Variants in CCS observed in about 807,000 individuals in gnomAD.
The protein encoded by CCS is copper chaperone for superoxide dismutase, also known as superoxide dismutase copper chaperone.
In CCS, 32 loss-of-function variants were observed where a neutral mutation model predicts 35.5. That is an observed-to-expected ratio of 0.90 (90% CI 0.68 to 1.21). The LOEUF (loss-of-function observed/expected upper bound fraction) is 1.21. CCS is among the 50% of genes most tolerant of loss of function. CCS has a pLI of 0.00. For synonymous variants in CCS, 130 were observed against 147.2 expected (o/e 0.88, Z 0.84); for missense variants, 342 against 375.4 (o/e 0.91, Z 0.73).
Position 66,606,005 on chromosome 11 carries a change from T to G in CCS, c.*150T>G. On this transcript the variant is annotated 3_prime_UTR_variant, in exon 8 of 8. Coordinates refer to ENST00000533244, the MANE Select transcript of CCS (RefSeq NM_005125.2). ...GTGTTCCCTTGGCAAATGAAAGTTT[T>G]ATTTTCGTTTGGGACTTGGTGTTTT... The G allele has an allele frequency of 1.2e-6, 1 of 811,136 alleles. No individual in the cohort carries two copies. The highest frequency in any genetic ancestry group is 3.3e-5 in the South Asian group (1 of 30,592). 50.2% of individuals were successfully genotyped at this position (811,136 alleles called of 1,614,324 possible).
intron 5 of CCS, 194 bp from the exon 6 acceptor site, chr11:66,605,145 C>T (rs763758913): frequency 7.2e-6 from 11 of 1,530,740 alleles, no homozygotes; most frequent in Non-Finnish European, 8.7e-6. Flanking sequence ...GACCACTTTC[C>T]ACTTCCAGAC....
Position 66,599,748 on chromosome 11 carries a change from A to G in CCS, c.428+112A>G, listed in dbSNP as rs1026842369. The G allele has an allele frequency of 1.5e-5, 15 of 1,023,648 alleles. No homozygotes were observed. In the African/African-American group the frequency reaches 2.5e-4, roughly 17 times the overall value. 63.4% of individuals were successfully genotyped at this position (1,023,648 alleles called of 1,614,324 possible). On this transcript the variant is annotated intron_variant, in intron 4 of 7. Transcript: ENST00000533244. ...CACAGGCACAACCTCCAGATGAGGAAACTGAGGCTCACAGAGGTTAAATGA... is the reference window on the plus strand; with the variant it reads ...CACAGGCACAACCTCCAGATGAGGAGACTGAGGCTCACAGAGGTTAAATGA...
intron 5 of CCS, among the ~76,000 whole-genome samples, chr11:66,601,657 C>T (rs961452120): frequency 6.6e-6 from 1 of 151,224 alleles, no homozygotes; most frequent in Non-Finnish European, 1.5e-5. Flanking sequence ...CAGCCTTGAA[C>T]TCATGGGCTC....
chr11:66,597,625 G>A (rs552383410), intron 2 of CCS, among the ~76,000 whole-genome samples: 28 of 142,488 alleles, frequency 2.0e-4, no homozygotes, highest in East Asian at 1.1e-3. Flanking sequence ...GGTGGCGGGC[G>A]CCTGTAGTCC....
chr11:66,599,062 C>A lies in CCS; in HGVS notation c.113-54C>A. Reference sequence around the variant, plus strand: ...TTGCTGTCTGTTTTTCTGTTCCCTGCTGCCAGCACTGGGTGCCAGCCTCTG... The same window carrying A: ...TTGCTGTCTGTTTTTCTGTTCCCTGATGCCAGCACTGGGTGCCAGCCTCTG... On this transcript the variant is annotated intron_variant, in intron 2 of 7. Coordinates refer to ENST00000533244, the MANE Select transcript of CCS (RefSeq NM_005125.2). The A allele has an allele frequency of 1.9e-6, 3 of 1,610,724 alleles. No individual in the cohort carries two copies. The South Asian group carries it at 3.3e-5, about 18-fold the overall frequency.
chr11:66,594,640 A>G (rs1858442328), intron 2 of CCS, among the ~76,000 whole-genome samples: 1 of 151,448 alleles, frequency 6.6e-6, no homozygotes, highest in African/African-American at 2.4e-5. Context: ...GCTGGGCGTC[A>G]TGGTGCACTC....
At position 66,599,503 on chromosome 11, in the gene CCS, G is replaced by A. The variant is rs149989199; in HGVS notation, c.295G>A (p.Val99Met). Residue 99 changes from valine to methionine, a missense_variant, in exon 4 of 8, where the codon GTG (valine) becomes ATG (methionine). Physicochemically the swap from Val to Met is conservative, Grantham distance 21 (BLOSUM62 1). Coordinates refer to ENST00000533244, the MANE Select transcript of CCS (RefSeq NM_005125.2). ...GGCCATCCTGGGGGGGCCTGGCACC[G>A]TGCAGGGGGTGGTGCGCTTCCTACA... Reference protein sequence around the residue: ...AVAILGGPGTVQGVVRFLQLT... With the variant: ...AVAILGGPGTMQGVVRFLQLT... 139 of 1,575,170 alleles carry A rather than the reference G, an allele frequency of 8.8e-5. No homozygotes were observed. The highest frequency in any genetic ancestry group is 3.1e-4 in the African/African-American group (23 of 73,048).
At position 66,600,562 on chromosome 11, in the gene CCS, C is replaced by T. The variant is rs1437899663; in HGVS notation, c.489+13C>T. On this transcript the variant is annotated intron_variant, in intron 5 of 7. Transcript: ENST00000533244. ...GGACTCTGACCGGGTAAGTGTCTGT[C>T]TGGGTTTGGGCTTGGGCTGAGAGAG... 5.4e-6 allele frequency: 8 copies of T among 1,491,866 alleles called. No individual in the cohort carries two copies. In the Admixed American group the frequency reaches 1.5e-4, roughly 27 times the overall value. 92.4% of individuals were successfully genotyped at this position (1,491,866 alleles called of 1,614,324 possible).
rs373751466 is a variant in CCS, at chr11:66,605,800, G to A, written c.770G>A (p.Arg257Gln). The change falls in exon 8 of 8, where the codon CGG becomes CAG. Residue 257 changes from arginine (R) to glutamine (Q), a missense_variant. Arg to Gln is a conservative substitution (Grantham distance 43). Transcript: ENST00000533244. ...DGLTIWEERG[R>Q]PIAGKGRKES... ...CTCACCATCTGGGAGGAGCGAGGCC[G>A]GCCCATCGCTGGCAAGGGCCGAAAG... 23 of 1,601,162 alleles carry A rather than the reference G, an allele frequency of 1.4e-5. No homozygotes were observed. The highest frequency in any genetic ancestry group is 1.7e-5 in the Admixed American group (1 of 57,618).
chr11:66,603,731 A>G (rs1206639660), intron 5 of CCS, among the ~76,000 whole-genome samples: 1 of 152,188 alleles, frequency 6.6e-6, no homozygotes, highest in Admixed American at 6.5e-5. Flanking sequence ...CTGTAGTCCC[A>G]GCTACTTGGG....
chr11:66,604,040 A>T (rs1401307302), intron 5 of CCS, among the ~76,000 whole-genome samples: 94 of 150,970 alleles, frequency 6.2e-4, no homozygotes, highest in African/African-American at 1.1e-3. Context: ...ATAAATAAAT[A>T]AATAAATAAA....
At chr11:66,601,643 A>T (rs1275576372) in intron 5 of CCS, among the ~76,000 whole-genome samples, 1 of 150,110 alleles carries the variant, frequency 6.7e-6, no homozygotes, top group African/African-American at 2.5e-5. Flanking sequence ...ATCATGGCTC[A>T]CTACAGCCTT....
rs143494418 is a variant in CCS, at chr11:66,605,805, A to G, written c.775A>G (p.Ile259Val). 78 of 1,599,340 alleles carry G rather than the reference A, an allele frequency of 4.9e-5. No individual in the cohort carries two copies. In the African/African-American group the frequency reaches 8.5e-4, roughly 17 times the overall value. The change falls in exon 8 of 8, where the codon ATC becomes GTC. Residue 259 changes from isoleucine to valine, a missense_variant. Coordinates refer to ENST00000533244, the MANE Select transcript of CCS (RefSeq NM_005125.2). ...CATCTGGGAGGAGCGAGGCCGGCCC[A>G]TCGCTGGCAAGGGCCGAAAGGAGTC... ...LTIWEERGRP[I>V]AGKGRKESAQ...
At chr11:66,602,227 T>G (rs1433389059) in intron 5 of CCS, among the ~76,000 whole-genome samples, 2 of 152,228 alleles carry the variant, frequency 1.3e-5, no homozygotes, top group East Asian at 3.9e-4. Context: ...CAGGAATTTG[T>G]GTGTGACTTA....
intron 1 of CCS, 107 bp from the exon 2 acceptor site, chr11:66,593,535 G>T (rs1205587376): frequency 2.5e-6 from 3 of 1,206,974 alleles, no homozygotes; most frequent in African/African-American, 3.0e-5. Flanking sequence ...GGGGTTAAGT[G>T]GGGCTTGTTC....
At position 66,605,237 on chromosome 11, in the gene CCS, T is replaced by C. The variant is rs774365388; in HGVS notation, c.490-102T>C. ...GGTACCCACAGGAGGAAATGGGTAC[T>C]TTAGGGAAGCAGGAAGAGGCGTCGG... On this transcript the variant is annotated intron_variant, in intron 5 of 7. Transcript: ENST00000533244. 3 of 1,563,858 alleles carry C rather than the reference T, an allele frequency of 1.9e-6. No individual in the cohort carries two copies. In the Admixed American group the frequency reaches 5.8e-5, roughly 30 times the overall value.
intron 5 of CCS, among the ~76,000 whole-genome samples, chr11:66,603,652 C>T (rs1482306566): frequency 6.6e-6 from 1 of 152,214 alleles, no homozygotes; most frequent in Non-Finnish European, 1.5e-5. Flanking sequence ...CGAGACCATC[C>T]TGGTTAACAT....
In CCS at chr11:66,593,386, A is replaced by G. The variant is rs1858416618; in HGVS notation, c.39+86A>G. On this transcript the variant is annotated intron_variant, in intron 1 of 7. Transcript: ENST00000533244. ...TCGTTACCTTGGGAAGAGGAGAAGGAGTGGGCACTTGGGTTGGGGCCTGGG... is the reference window on the plus strand; with the variant it reads ...TCGTTACCTTGGGAAGAGGAGAAGGGGTGGGCACTTGGGTTGGGGCCTGGG... 13 of 1,367,986 alleles carry G rather than the reference A, an allele frequency of 9.5e-6. No individual in the cohort carries two copies. The Admixed American group carries it at 1.4e-4, about 14-fold the overall frequency. The allele number at this position is 1,367,986 out of a possible 1,614,324, so 84.7% of individuals were successfully genotyped here.
chr11:66,598,660 G>T (rs796291165), intron 2 of CCS, among the ~76,000 whole-genome samples: 2 of 151,540 alleles, frequency 1.3e-5, no homozygotes, highest in Non-Finnish European at 2.9e-5. Context: ...TTCAAGGTCC[G>T]TCCATGTTGT....
Sources: gnomAD v4.1 joint callset for allele counts (sites outside exome capture counted in the v4.1 genomes callset) on GRCh38, gnomAD v4.1.1 for gene constraint, MANE v1.5 for transcripts, NCBI Gene and HGNC (gene_info 2026-07-23, HGNC 2026-07-21) for gene names.